The following PPP2CB variants were observed in gnomAD, a reference collection of about 807,000 sequenced individuals.
The protein encoded by PPP2CB is protein phosphatase 2 catalytic subunit beta, also known as serine/threonine-protein phosphatase 2A catalytic subunit beta isoform.
In PPP2CB, 18 loss-of-function variants were observed where a neutral mutation model predicts 39.1. The ratio of observed to expected loss-of-function variants is 0.46; its 90% confidence interval spans 0.32 to 0.68. The LOEUF (loss-of-function observed/expected upper bound fraction) is 0.68, where lower values mean the gene tolerates loss of function less well. PPP2CB is among the 30% of genes least tolerant of loss of function. The pLI is 0.04. For synonymous variants in PPP2CB, 129 were observed against 133.8 expected (o/e 0.96, Z 0.25); for missense variants, 226 against 396.9 (o/e 0.57, Z 3.66).
At chr8:30,807,903 A>C (rs1806750647) in intron 1 of PPP2CB, among the ~76,000 whole-genome samples, 1 of 152,246 alleles carries the variant, frequency 6.6e-6, no homozygotes, top group South Asian at 2.1e-4. Flanking sequence ...GTCTTCTCAG[A>C]AGACATGCCT....
At chr8:30,804,501 C>G (rs1210211099) in intron 1 of PPP2CB, among the ~76,000 whole-genome samples, 1 of 152,224 alleles carries the variant, frequency 6.6e-6, no homozygotes, top group Non-Finnish European at 1.5e-5. Context: ...CTCTTGTACT[C>G]TGCCCTTATG....
intron 1 of PPP2CB, among the ~76,000 whole-genome samples, chr8:30,811,299 C>T (rs1226251466): frequency 6.6e-6 from 1 of 152,028 alleles, no homozygotes; most frequent in Non-Finnish European, 1.5e-5. Flanking sequence ...AACACACATC[C>T]CACTTATCAT....
chr8:30,786,114 A>C lies in PPP2CB; in HGVS notation c.*121T>G. The C allele has an allele frequency of 1.1e-6, 1 of 914,514 alleles. No individual in the cohort carries two copies. The highest frequency in any genetic ancestry group is 1.7e-6 in the Non-Finnish European group (1 of 588,892). 56.6% of individuals were successfully genotyped at this position (914,514 alleles called of 1,614,324 possible). A position where few individuals can be genotyped will look rare whatever the true frequency, so the allele number is the denominator to read the frequency against. ...TTGGTCCATGATGTGGTTTAATGCCAAGACAGATCCCAATTTGTTACAGAA... is the reference window on the plus strand; with the variant it reads ...TTGGTCCATGATGTGGTTTAATGCCCAGACAGATCCCAATTTGTTACAGAA... On this transcript the variant is annotated 3_prime_UTR_variant, in exon 7 of 7. Coordinates refer to ENST00000221138, the MANE Select transcript of PPP2CB (RefSeq NM_001009552.2).
At chr8:30,804,351 G>C (rs895150773) in intron 1 of PPP2CB, among the ~76,000 whole-genome samples, 2 of 152,128 alleles carry the variant, frequency 1.3e-5, no homozygotes, top group African/African-American at 4.8e-5. Flanking sequence ...TTTGCCCCTG[G>C]AATTTCCTGC....
intron 1 of PPP2CB, 57 bp from the exon 2 acceptor site, chr8:30,799,812 TAAAAGA>T (rs1586125183): frequency 3.3e-6 from 5 of 1,502,112 alleles, no homozygotes; most frequent in Middle Eastern, 1.7e-4. Flanking sequence ...TCTTATCTAT[TAAAAGA>T]AAATTTGGGG....
chr8:30,795,565 C>T (rs1019461460), intron 3 of PPP2CB, among the ~76,000 whole-genome samples: 9 of 151,916 alleles, frequency 5.9e-5, no homozygotes, highest in East Asian at 3.8e-4. Context: ...TTTTTCTGTG[C>T]GTGCCACGTC....
chr8:30,800,860 C>G, intron 1 of PPP2CB, among the ~76,000 whole-genome samples: 1 of 152,156 alleles, frequency 6.6e-6, no homozygotes, highest in East Asian at 1.9e-4. Context: ...AGAACTGGGA[C>G]TAATACAGAA....
At chr8:30,789,728 C>G (rs1158988338) in intron 6 of PPP2CB, among the ~76,000 whole-genome samples, 8 of 152,194 alleles carry the variant, frequency 5.3e-5, no homozygotes, top group East Asian at 1.9e-4. Context: ...TTAAGCCTCA[C>G]ATACTAGTGA....
chr8:30,795,601 G>A (rs987638664), intron 3 of PPP2CB, among the ~76,000 whole-genome samples: 1 of 152,062 alleles, frequency 6.6e-6, no homozygotes, highest in Non-Finnish European at 1.5e-5. Context: ...GTTATACTAG[G>A]CATACGGTGT....
intron 6 of PPP2CB, among the ~76,000 whole-genome samples, chr8:30,790,209 A>G (rs1806408370): frequency 6.6e-6 from 1 of 152,178 alleles, no homozygotes; most frequent in Non-Finnish European, 1.5e-5. Context: ...TGGCTTGAAA[A>G]TATTATATGA....
intron 1 of PPP2CB, among the ~76,000 whole-genome samples, chr8:30,811,142 T>C (rs1437957505): frequency 6.6e-6 from 1 of 152,136 alleles, no homozygotes; most frequent in Non-Finnish European, 1.5e-5. Flanking sequence ...AAGAAAACAA[T>C]GGATACAGAA....
intron 1 of PPP2CB, 59 bp from the exon 2 acceptor site, chr8:30,799,814 A>G: frequency 6.7e-7 from 1 of 1,503,662 alleles, no homozygotes; most frequent in South Asian, 1.2e-5. Flanking sequence ...TTATCTATTA[A>G]AAGAAAATTT....
At chr8:30,810,353 A>T (rs1440871855) in intron 1 of PPP2CB, 1 of 152,330 alleles carries the variant, frequency 6.6e-6, no homozygotes, top group African/African-American at 2.4e-5. Context: ...CGGGAGGCTG[A>T]GGCAGGAGGA....
At position 30,797,747 on chromosome 8, in the gene PPP2CB, T is replaced by A. The variant is rs1464240945; in HGVS notation, c.320A>T (p.Tyr107Phe). Reference sequence around the variant, plus strand: ...TCTCAATATTGTAATGCGTTCTGGATAACGCACCTGGAAGAAAAGGAGTAA... The same window carrying A: ...TCTCAATATTGTAATGCGTTCTGGAAAACGCACCTGGAAGAAAAGGAGTAA... The part of the protein sequence containing the change: ...VTLLVALKVR[Y>F]PERITILRGN... Residue 107 changes from tyrosine to phenylalanine, a missense_variant, in exon 3 of 7, where the codon TAT (tyrosine) becomes TTT (phenylalanine). Coordinates refer to ENST00000221138, the MANE Select transcript of PPP2CB (RefSeq NM_001009552.2). 1 of 1,612,942 alleles carries A rather than the reference T, an allele frequency of 6.2e-7. No individual in the cohort carries two copies. Among genetic ancestry groups the A allele is most frequent in the Non-Finnish European group, 8.5e-7 (1 of 1,179,648 alleles).
At chr8:30,801,589 G>T (rs1806628888) in intron 1 of PPP2CB, among the ~76,000 whole-genome samples, 1 of 151,796 alleles carries the variant, frequency 6.6e-6, no homozygotes. Flanking sequence ...GCAGATGACA[G>T]CTTAGACTGG....
chr8:30,798,796 A>C (rs925651551), intron 2 of PPP2CB, among the ~76,000 whole-genome samples: 1 of 152,232 alleles, frequency 6.6e-6, no homozygotes, highest in African/African-American at 2.4e-5. Context: ...TCCTCATAGT[A>C]ATTTAGAGCA....
intron 6 of PPP2CB, among the ~76,000 whole-genome samples, chr8:30,790,523 C>T (rs969624595): frequency 6.6e-6 from 1 of 152,244 alleles, no homozygotes; most frequent in African/African-American, 2.4e-5. Context: ...TGAGGAACTT[C>T]TGTGACCTGC....
At chr8:30,805,044 T>C (rs1367723081) in intron 1 of PPP2CB, among the ~76,000 whole-genome samples, 3 of 152,156 alleles carry the variant, frequency 2.0e-5, no homozygotes, top group African/African-American at 7.2e-5. Context: ...ACATAGTGGT[T>C]CAACTAAAAT....
chr8:30,801,723 G>C (rs1382760837), intron 1 of PPP2CB, among the ~76,000 whole-genome samples: 1 of 152,002 alleles, frequency 6.6e-6, no homozygotes, highest in Non-Finnish European at 1.5e-5. Context: ...CTGCATTTTT[G>C]TCAACAGACT....
Sources: gnomAD v4.1 joint callset for allele counts (sites outside exome capture counted in the v4.1 genomes callset) on GRCh38, gnomAD v4.1.1 for gene constraint, MANE v1.5 for transcripts, NCBI Gene and HGNC (gene_info 2026-07-23, HGNC 2026-07-21) for gene names.